The following CREB3L2 variants were observed in gnomAD, a reference collection of about 807,000 sequenced individuals.
CREB3L2 encodes the protein cyclic AMP-responsive element-binding protein 3-like protein 2.
A neutral mutation model predicts 57.2 loss-of-function variants in CREB3L2; 23 were observed. The ratio of observed to expected loss-of-function variants is 0.40; its 90% CI spans 0.29 to 0.57. The LOEUF is 0.57. Ranked by LOEUF, CREB3L2 falls within the 20% of genes least tolerant of loss-of-function variation. CREB3L2 has a pLI of 0.42. For missense variants in CREB3L2, 628 were observed against 634.7 expected (o/e 0.99, Z 0.11); for synonymous variants, 268 against 265.1 (o/e 1.01, Z -0.11).
At chr7:137,889,803 G>A (rs945504730) in intron 8 of CREB3L2, among the ~76,000 whole-genome samples, 3 of 152,260 alleles carry the variant, frequency 2.0e-5, no homozygotes, top group Admixed American at 6.5e-5. Context: ...ATCATAAAAA[G>A]AGAAAATGAA....
intron 1 of CREB3L2, among the ~76,000 whole-genome samples, chr7:137,951,125 C>T (rs920350062): frequency 1.3e-4 from 20 of 152,208 alleles, no homozygotes; most frequent in African/African-American, 4.6e-4. Flanking sequence ...CAGGCTATTA[C>T]GCAGGTTCCT....
intron 1 of CREB3L2, among the ~76,000 whole-genome samples, chr7:137,978,282 AAGC>A (rs1245085364): frequency 6.6e-6 from 1 of 152,170 alleles, no homozygotes; most frequent in Non-Finnish European, 1.5e-5. Flanking sequence ...TCTATATATA[AAGC>A]AAGAGATTTT....
intron 1 of CREB3L2, among the ~76,000 whole-genome samples, chr7:137,966,774 TTG>T (rs1025842497): frequency 6.6e-6 from 1 of 152,338 alleles, no homozygotes; most frequent in African/African-American, 2.4e-5. Flanking sequence ...TTCTGAATCC[TTG>T]TCTCTGCCTC....
intron 2 of CREB3L2, among the ~76,000 whole-genome samples, chr7:137,924,773 G>A (rs1443977137): frequency 3.9e-5 from 6 of 152,066 alleles, no homozygotes; most frequent in Non-Finnish European, 8.8e-5. Flanking sequence ...CTTTCTGGGG[G>A]TTTTGAAGGC....
intron 1 of CREB3L2, among the ~76,000 whole-genome samples, chr7:137,931,868 C>T (rs1206449011): frequency 6.6e-6 from 1 of 152,116 alleles, no homozygotes; most frequent in Non-Finnish European, 1.5e-5. Flanking sequence ...AATTTGAATA[C>T]AAAATTTAAA....
intron 1 of CREB3L2, among the ~76,000 whole-genome samples, chr7:137,979,010 C>G (rs1347853596): frequency 6.6e-6 from 1 of 152,156 alleles, no homozygotes; most frequent in Admixed American, 6.5e-5. Context: ...ACTCAAGACT[C>G]ACAACGAGAG....
chr7:137,901,245 T>C (rs1273342618), intron 8 of CREB3L2, 109 bp downstream of exon 8: 2 of 738,432 alleles, frequency 2.7e-6, no homozygotes, highest in African/African-American at 3.5e-5. Flanking sequence ...AACTGCACTT[T>C]CACTGTGACC....
chr7:137,903,801 A>C (rs1446716631), intron 7 of CREB3L2, among the ~76,000 whole-genome samples, 158 bp downstream of exon 7: 1 of 152,180 alleles, frequency 6.6e-6, no homozygotes, highest in Non-Finnish European at 1.5e-5. Context: ...GTCTCCTCCA[A>C]ATAACCACTA....
intron 1 of CREB3L2, among the ~76,000 whole-genome samples, chr7:137,942,722 T>C (rs1800898462): frequency 6.6e-6 from 1 of 152,180 alleles, no homozygotes; most frequent in African/African-American, 2.4e-5. Flanking sequence ...TCACCATATG[T>C]TAAAAGTTAT....
chr7:137,882,960 A>T (rs968018522), intron 10 of CREB3L2, among the ~76,000 whole-genome samples: 1 of 152,154 alleles, frequency 6.6e-6, no homozygotes, highest in Non-Finnish European at 1.5e-5. Flanking sequence ...GGAGAATGGG[A>T]GTGGAATACT....
At chr7:137,913,627 T>C (rs185810800) in intron 3 of CREB3L2, among the ~76,000 whole-genome samples, 1 of 151,812 alleles carries the variant, frequency 6.6e-6, no homozygotes, top group Non-Finnish European at 1.5e-5. Context: ...GTTTTTATAG[T>C]ACTATAAAGG....
At position 137,986,041 on chromosome 7, in the gene CREB3L2, T is replaced by C. The variant is rs759850036; in HGVS notation, c.102+15563A>G. 2.0e-5 allele frequency among the ~76,000 whole-genome samples: 3 copies of C among 152,158 alleles called. No individual in the cohort carries two copies. The East Asian group carries it at 5.8e-4, about 29-fold the overall frequency. On this transcript the variant is annotated intron_variant, in intron 1 of 11. Coordinates refer to ENST00000330387, the MANE Select transcript of CREB3L2 (RefSeq NM_194071.4). ...GAAGAAAGGAACCGAATATCCCCCA[T>C]CTAGCGGCCACAAACCAGACATAGT...
chr7:137,922,384 GTATATATATATATATATATATATATA>G (rs1175503933), intron 2 of CREB3L2, among the ~76,000 whole-genome samples: 4 of 19,582 alleles, frequency 2.0e-4, no homozygotes, highest in African/African-American at 9.5e-4. Flanking sequence ...ATATATATAT[GTATATATATATATATATATATATATA>G]TATATGTATA....
chr7:137,919,233 G>A (rs879682411), intron 2 of CREB3L2, among the ~76,000 whole-genome samples: 4 of 150,382 alleles, frequency 2.7e-5, no homozygotes, highest in Non-Finnish European at 4.4e-5. Context: ...GTGCAGTGGT[G>A]TGATCTCGGC....
At chr7:137,925,375 A>G (rs1800430228) in intron 2 of CREB3L2, among the ~76,000 whole-genome samples, 1 of 152,230 alleles carries the variant, frequency 6.6e-6, no homozygotes, top group Non-Finnish European at 1.5e-5. Context: ...TTTCCCAGGT[A>G]TAATGAAATA....
At chr7:137,908,189 C>T (rs1799929408) in intron 5 of CREB3L2, 63 bp downstream of exon 5, 5 of 1,135,340 alleles carry the variant, frequency 4.4e-6, no homozygotes, top group African/African-American at 1.6e-5. Context: ...GCTCTGGATA[C>T]AGCCCCAGGG....
chr7:137,966,212 A>C lies in CREB3L2; in HGVS notation c.102+35392T>G, dbSNP rs147329848. 2.8e-3 allele frequency among the ~76,000 whole-genome samples: 428 copies of C among 152,372 alleles called. 6 individuals carry two copies. The highest frequency in any genetic ancestry group is 9.9e-3 in the African/African-American group (410 of 41,594). ...TGAAATTCCTCCAGAGAGTGGAAAA[A>C]TAAGGGCTAGTTGCATCTTCTTAAA... is the stretch of plus-strand genomic sequence containing the variant. On this transcript the variant is annotated intron_variant, in intron 1 of 11. Coordinates refer to ENST00000330387, the MANE Select transcript of CREB3L2 (RefSeq NM_194071.4).
chr7:137,887,624 G>A (rs372295837), intron 8 of CREB3L2, among the ~76,000 whole-genome samples: 4 of 152,086 alleles, frequency 2.6e-5, no homozygotes, highest in African/African-American at 4.8e-5. Context: ...CAGGAGAATC[G>A]CTTGAACCCA....
At chr7:137,894,310 G>A (rs1032772595) in intron 8 of CREB3L2, among the ~76,000 whole-genome samples, 7 of 152,182 alleles carry the variant, frequency 4.6e-5, no homozygotes, top group African/African-American at 1.2e-4. Flanking sequence ...TGGGGGCAAG[G>A]AGAACTGATA....
Sources: gnomAD v4.1 joint callset for allele counts (sites outside exome capture counted in the v4.1 genomes callset) on GRCh38, gnomAD v4.1.1 for gene constraint, MANE v1.5 for transcripts, NCBI Gene and HGNC (gene_info 2026-07-23, HGNC 2026-07-21) for gene names.